RBM33: variants seen among roughly 807,000 people sequenced by gnomAD.
RBM33 encodes the protein RNA binding motif protein 33.
RBM33 carries 28 observed loss-of-function variants against 132.6 expected under a neutral mutation model. The observed-to-expected ratio is 0.21, with a 90% CI of 0.16 to 0.29. The LOEUF is 0.29. Ranked by LOEUF, RBM33 falls within the 10% of genes least tolerant of loss-of-function variation. The probability of loss-of-function intolerance (pLI) is 1.00; values close to 1 mark genes in which losing one functional copy is unlikely to be tolerated. For synonymous variants in RBM33, 634 were observed against 593.0 expected (o/e 1.07, Z -1.01); for missense variants, 1,291 against 1,518.5 (o/e 0.85, Z 2.49).
intron 9 of RBM33, among the ~76,000 whole-genome samples, chr7:155,729,986 G>T (rs1800908269): frequency 6.6e-6 from 1 of 152,148 alleles, no homozygotes; most frequent in Non-Finnish European, 1.5e-5. Flanking sequence ...CCTGTGCTTT[G>T]TGGGCAGCTG....
At position 155,683,555 on chromosome 7, in the gene RBM33, C is replaced by G. The variant is rs960013683; in HGVS notation, c.567+2647C>G. On this transcript the variant is annotated intron_variant, in intron 5 of 17. Transcript: ENST00000401878. ...TAGAATCATGAAACCCCAGAATGTACAGTGGGAGGGTTTGCTGTTCCCTAT... is the reference window on the plus strand; with the variant it reads ...TAGAATCATGAAACCCCAGAATGTAGAGTGGGAGGGTTTGCTGTTCCCTAT... 2.0e-5 allele frequency among the ~76,000 whole-genome samples: 3 copies of G among 152,078 alleles called. No individual in the cohort carries two copies. In the East Asian group the frequency reaches 5.8e-4, roughly 29 times the overall value.
intron 7 of RBM33, among the ~76,000 whole-genome samples, chr7:155,708,512 A>G (rs926465307): frequency 6.6e-6 from 1 of 152,188 alleles, no homozygotes; most frequent in Non-Finnish European, 1.5e-5. Context: ...ACCCACAAAG[A>G]AGGGAAGAGC....
At chr7:155,680,484 T>G (rs747695673) in intron 4 of RBM33, 106 bp from the exon 5 acceptor site, 7 of 835,874 alleles carry the variant, frequency 8.4e-6, no homozygotes, top group Non-Finnish European at 1.3e-5. Context: ...GGAATAACTT[T>G]TTATCAGTCA....
At chr7:155,754,450 C>A (rs1158728593) in intron 14 of RBM33, among the ~76,000 whole-genome samples, 1 of 152,208 alleles carries the variant, frequency 6.6e-6, no homozygotes, top group African/African-American at 2.4e-5. Flanking sequence ...GGGGCTGCAC[C>A]CCTCTGTGAG....
intron 14 of RBM33, chr7:155,746,713 A>G (rs2117039382): frequency 6.6e-6 from 1 of 152,320 alleles, no homozygotes; most frequent in Non-Finnish European, 1.5e-5. Flanking sequence ...TTCTATAACA[A>G]ATACTATGGT....
intron 4 of RBM33, among the ~76,000 whole-genome samples, chr7:155,679,171 TAAAAAA>T (rs942077163): frequency 3.4e-5 from 5 of 146,048 alleles, no homozygotes; most frequent in African/African-American, 1.0e-4. Context: ...AACGCCGTCT[TAAAAAA>T]AAAAAAACAA....
chr7:155,700,159 CT>C (rs1206294318), intron 5 of RBM33, among the ~76,000 whole-genome samples: 3 of 151,980 alleles, frequency 2.0e-5, no homozygotes, highest in Non-Finnish European at 4.4e-5. Context: ...GACGACATGA[CT>C]GAAGAAAAAA....
Position 155,663,754 on chromosome 7 carries a change from A to G in RBM33, c.44-1421A>G, listed in dbSNP as rs192177705. Among the ~76,000 whole-genome samples, 216 of 152,166 alleles carry G rather than the reference A, an allele frequency of 1.4e-3. 4 individuals carry two copies. The highest frequency in any genetic ancestry group is 5.0e-3 in the African/African-American group (206 of 41,496). On this transcript the variant is annotated intron_variant, in intron 1 of 17. Coordinates refer to ENST00000401878, the MANE Select transcript of RBM33 (RefSeq NM_053043.3). ...TTCCTGAGGCTTTATAGGTGTTTAT[A>G]TCATCTGGCCCTACCTACCCCAACC...
chr7:155,720,332 T>A (rs1022261347), intron 9 of RBM33, among the ~76,000 whole-genome samples: 2 of 152,218 alleles, frequency 1.3e-5, no homozygotes, highest in African/African-American at 4.8e-5. Flanking sequence ...AGTGCACTAC[T>A]TATTTCTCAA....
At position 155,759,415 on chromosome 7, in the gene RBM33, C is replaced by CTTTTTTTT. The variant is rs58449648; in HGVS notation, c.2980-4384_2980-4377dup. 2.2e-3 allele frequency among the ~76,000 whole-genome samples: 249 copies of CTTTTTTTT among 113,966 alleles called. 4 individuals are homozygous for CTTTTTTTT. The highest frequency in any genetic ancestry group is 4.8e-3 in the African/African-American group (133 of 27,716). The allele number at this position is 113,966 out of a possible 152,430, so 74.8% of individuals were successfully genotyped here. A position where few individuals can be genotyped will look rare whatever the true frequency, so the allele number is the denominator to read the frequency against. On this transcript the variant is annotated intron_variant, in intron 14 of 17. Transcript: ENST00000401878. ...TATTTATTGACTCAATGTTTATGTT[C>CTTTTTTTT]TTTTTTTTTTTTTTTTTTTTGAGAT...
chr7:155,682,512 TTAGAG>T (rs1799364003), intron 5 of RBM33, among the ~76,000 whole-genome samples: 1 of 152,206 alleles, frequency 6.6e-6, no homozygotes, highest in Non-Finnish European at 1.5e-5. Context: ...TATTGCCTAG[TTAGAG>T]TATTTTATTA....
intron 16 of RBM33, among the ~76,000 whole-genome samples, chr7:155,772,125 C>T (rs1459073712): frequency 6.6e-6 from 1 of 152,206 alleles, no homozygotes; most frequent in East Asian, 1.9e-4. Flanking sequence ...GCAGTATTGG[C>T]AGCTGTTGTG....
intron 7 of RBM33, among the ~76,000 whole-genome samples, chr7:155,709,581 T>G (rs1230544637): frequency 6.6e-6 from 1 of 152,232 alleles, no homozygotes; most frequent in East Asian, 1.9e-4. Flanking sequence ...GTCACTTGTT[T>G]AATCAAACAA....
At chr7:155,740,789 AAG>A (rs1801306383) in intron 12 of RBM33, among the ~76,000 whole-genome samples, 1 of 152,104 alleles carries the variant, frequency 6.6e-6, no homozygotes, top group Non-Finnish European at 1.5e-5. Flanking sequence ...AAATATATAT[AAG>A]AGGCTTTTGT....
intron 7 of RBM33, among the ~76,000 whole-genome samples, chr7:155,710,528 G>A (rs921919945): frequency 6.6e-6 from 1 of 152,200 alleles, no homozygotes; most frequent in Non-Finnish European, 1.5e-5. Flanking sequence ...ATCACTTTGA[G>A]TGTGTAATTT....
intron 1 of RBM33, among the ~76,000 whole-genome samples, chr7:155,655,017 G>A (rs1798453950): frequency 6.6e-6 from 1 of 152,108 alleles, no homozygotes; most frequent in African/African-American, 2.4e-5. Flanking sequence ...TATTAGTTTG[G>A]TATAGATAAT....
intron 12 of RBM33, among the ~76,000 whole-genome samples, chr7:155,740,310 G>A (rs1357644046): frequency 6.6e-6 from 1 of 152,154 alleles, no homozygotes; most frequent in African/African-American, 2.4e-5. Context: ...GCAATAGACA[G>A]GAATTAATAG....
At chr7:155,770,208 G>T (rs1585552726) in intron 16 of RBM33, among the ~76,000 whole-genome samples, 1 of 152,242 alleles carries the variant, frequency 6.6e-6, no homozygotes, top group South Asian at 2.1e-4. Context: ...GATAATAGAT[G>T]AAAACTTGAA....
intron 5 of RBM33, among the ~76,000 whole-genome samples, chr7:155,699,575 C>T (rs534013304): frequency 3.3e-5 from 5 of 152,248 alleles, no homozygotes; most frequent in South Asian, 2.1e-4. Context: ...TAAAATTCTA[C>T]GGTATGCTGG....
Sources: gnomAD v4.1 joint callset for allele counts (sites outside exome capture counted in the v4.1 genomes callset) on GRCh38, gnomAD v4.1.1 for gene constraint, MANE v1.5 for transcripts, NCBI Gene and HGNC (gene_info 2026-07-23, HGNC 2026-07-21) for gene names.